C1orf216: variants seen among roughly 807,000 people sequenced by gnomAD.
C1orf216 encodes UPF0500 protein C1orf216.
A neutral mutation model predicts 16.4 loss-of-function variants in C1orf216; 18 were observed. That is an observed-to-expected ratio of 1.10 (90% CI 0.76 to 1.63). The LOEUF (loss-of-function observed/expected upper bound fraction) is 1.63. Ranked by LOEUF, C1orf216 falls within the 40% of genes most tolerant of loss-of-function variation. The pLI is 0.00. For missense variants in C1orf216, 271 were observed against 297.6 expected (o/e 0.91, Z 0.66); for synonymous variants, 115 against 116.9 (o/e 0.98, Z 0.11).
chr1:35,716,487 T>A, intron 1 of C1orf216, 161 bp from the exon 2 acceptor site: 1 of 638,284 alleles, frequency 1.6e-6, no homozygotes, highest in Non-Finnish European at 2.7e-6. Flanking sequence ...GTGGTTTTCG[T>A]CCTCCCTGTC....
Position 35,715,733 on chromosome 1 carries a change from G to A in C1orf216, c.589C>T (p.Arg197Ter), listed in dbSNP as rs1032683766. The part of the protein sequence containing the change: ...LQHQLIDQQA[R>*]LQESFDTILD... Reference sequence around the variant, plus strand: ...ATGGTGTCGAAGCTCTCCTGCAGTCGGGCCTGCTGGTCAATCAACTGATGC... The same window carrying A: ...ATGGTGTCGAAGCTCTCCTGCAGTCAGGCCTGCTGGTCAATCAACTGATGC... Residue 197 changes from arginine (R) to a stop codon, truncating the protein, a stop_gained, in exon 2 of 2, where the codon CGA becomes TGA. Coordinates refer to ENST00000270815, the MANE Select transcript of C1orf216 (RefSeq NM_152374.2). LOFTEE classifies it high-confidence loss of function. This position sits in a 1 kb window ranked among gnomAD's most constrained non-coding sequence, Gnocchi z 4.3. 25 of 1,613,950 alleles carry A rather than the reference G, an allele frequency of 1.5e-5. No individual in the cohort carries two copies. Among genetic ancestry groups the A allele is most frequent in the Non-Finnish European group, 2.0e-5 (24 of 1,180,030 alleles).
intron 1 of C1orf216, among the ~76,000 whole-genome samples, 192 bp downstream of exon 1, chr1:35,718,515 C>T (rs1177804036): frequency 6.6e-6 from 1 of 152,112 alleles, no homozygotes; most frequent in African/African-American, 2.4e-5. Context: ...ATGAGAACCC[C>T]GACACGCCAG....
intron 1 of C1orf216, 58 bp from the exon 2 acceptor site, chr1:35,716,384 C>T: frequency 1.4e-6 from 2 of 1,454,718 alleles, no homozygotes; most frequent in Non-Finnish European, 1.9e-6. Flanking sequence ...TGCCTGAAGT[C>T]AGGGCAACTT....
In C1orf216 at chr1:35,714,571, A is replaced by G. The variant is rs1640920942; in HGVS notation, c.*1061T>C. 6.6e-6 allele frequency: 1 copy of G among 152,190 alleles called. No homozygotes were observed. Among genetic ancestry groups the G allele is most frequent in the East Asian group, 1.9e-4 (1 of 5,206 alleles). The allele number at this position is 152,190 out of a possible 1,614,324, so 9.4% of individuals were successfully genotyped here. ...CTTTTCATCAGAAGCTTAAATGAAC[A>G]CGGTTTGCAACAGCTCCTTTTCCAA... is the stretch of plus-strand genomic sequence containing the variant. On this transcript the variant is annotated 3_prime_UTR_variant, in exon 2 of 2. Transcript: ENST00000270815.
In C1orf216 at chr1:35,716,480, G is replaced by A. The variant is rs1640959439; in HGVS notation, c.-5-154C>T. On this transcript the variant is annotated intron_variant, in intron 1 of 1. Coordinates refer to ENST00000270815, the MANE Select transcript of C1orf216 (RefSeq NM_152374.2). ...GACTCTGGTAACACTTCCCTTCGTG[G>A]TTTTCGTCCTCCCTGTCTACCTGTT... The A allele has an allele frequency of 4.5e-6, 3 of 664,434 alleles. No individual in the cohort carries two copies. In the African/African-American group the frequency reaches 5.4e-5, roughly 12 times the overall value. 41.2% of individuals were successfully genotyped at this position (664,434 alleles called of 1,614,324 possible). A position where few individuals can be genotyped will look rare whatever the true frequency, so the allele number is the denominator to read the frequency against.
rs1031081050 is a variant in C1orf216, at chr1:35,714,354, C to T, written c.*1278G>A. ...GCTTAGGCTGACACTGTCCCCTTCA[C>T]ATCCCAGAAAGCCAACCTCTGGCTC... On this transcript the variant is annotated 3_prime_UTR_variant, in exon 2 of 2. Transcript: ENST00000270815. The T allele has an allele frequency of 2.0e-5, 3 of 152,244 alleles. No homozygotes were observed. The highest frequency in any genetic ancestry group is 1.9e-4 in the East Asian group (1 of 5,192). The allele number at this position is 152,244 out of a possible 1,614,324, so 9.4% of individuals were successfully genotyped here. A position where few individuals can be genotyped will look rare whatever the true frequency, so the allele number is the denominator to read the frequency against.
At chr1:35,716,622 T>C (rs1401103363) in intron 1 of C1orf216, 4 of 408,088 alleles carry the variant, frequency 9.8e-6, no homozygotes, top group Non-Finnish European at 1.8e-5. Flanking sequence ...AAGACCATCA[T>C]ATGCTGGTGA....
Position 35,718,740 on chromosome 1 carries a change from C to G in C1orf216, c.-39G>C, listed in dbSNP as rs1490583198. ...GGCGCCCGCTCCGGCGCGTCTGGCT[C>G]TGGCTCCGCCCGGCCCTGGTGGTGT... On this transcript the variant is annotated 5_prime_UTR_variant, in exon 1 of 2. Coordinates refer to ENST00000270815, the MANE Select transcript of C1orf216 (RefSeq NM_152374.2). 3 of 152,458 alleles carry G rather than the reference C, an allele frequency of 2.0e-5. No individual in the cohort carries two copies. Among genetic ancestry groups the G allele is most frequent in the African/African-American group, 7.2e-5 (3 of 41,478 alleles). The allele number at this position is 152,458 out of a possible 1,614,324, so 9.4% of individuals were successfully genotyped here. A position where few individuals can be genotyped will look rare whatever the true frequency, so the allele number is the denominator to read the frequency against.
At chr1:35,717,585 A>G (rs1223773309) in intron 1 of C1orf216, among the ~76,000 whole-genome samples, 1 of 152,182 alleles carries the variant, frequency 6.6e-6, no homozygotes, top group African/African-American at 2.4e-5. Flanking sequence ...AATATTACAT[A>G]AACAAGCACG....
At position 35,718,844 on chromosome 1, in the gene C1orf216, C is replaced by T. The variant is rs1197281056; in HGVS notation, c.-143G>A. 1 of 152,316 alleles carries T rather than the reference C, an allele frequency of 6.6e-6. No homozygotes were observed. Among genetic ancestry groups the T allele is most frequent in the African/African-American group, 2.4e-5 (1 of 41,462 alleles). The allele number at this position is 152,316 out of a possible 1,614,324, so 9.4% of individuals were successfully genotyped here. A position where few individuals can be genotyped will look rare whatever the true frequency, so the allele number is the denominator to read the frequency against. On this transcript the variant is annotated 5_prime_UTR_variant, in exon 1 of 2. Coordinates refer to ENST00000270815, the MANE Select transcript of C1orf216 (RefSeq NM_152374.2). ...GGGTGCGGGGCTCCCGGGCAGCGCG[C>T]CCAGCCCCAGTCCCGGACTGCGGAG...
chr1:35,716,014 G>A lies in C1orf216; in HGVS notation c.308C>T (p.Thr103Ile). The change falls in exon 2 of 2, where the codon ACA (threonine) becomes ATA (isoleucine). Residue 103 changes from threonine to isoleucine, a missense_variant. Around this residue, in one of 3 missense-constraint regions of C1orf216, gnomAD observed 220 missense variants for 227.8 expected, o/e 0.97. Coordinates refer to ENST00000270815, the MANE Select transcript of C1orf216 (RefSeq NM_152374.2). ...AEPEKMGGAG[T>I]VCSPLEDNGY... The stretch of plus-strand genomic sequence containing the variant: ...GTTGTCCTCCAGAGGGGAGCAGACT[G>A]TGCCAGCACCACCCATCTTCTCAGG... 6.2e-7 allele frequency: 1 copy of A among 1,614,108 alleles called. No homozygotes were observed. The highest frequency in any genetic ancestry group is 1.3e-5 in the African/African-American group (1 of 75,064).
chr1:35,716,556 G>C (rs563816799), intron 1 of C1orf216: 2 of 556,144 alleles, frequency 3.6e-6, no homozygotes, highest in Non-Finnish European at 6.4e-6. Flanking sequence ...GAGCCAGGCT[G>C]TCTTCTGATT....
Position 35,716,315 on chromosome 1 carries a change from C to G in C1orf216, c.7G>C (p.Ala3Pro), listed in dbSNP as rs775845100. The G allele has an allele frequency of 6.2e-7, 1 of 1,610,594 alleles. No individual in the cohort carries two copies. The highest frequency in any genetic ancestry group is 1.3e-5 in the African/African-American group (1 of 74,918). Residue 3 changes from alanine (A) to proline (P), a missense_variant, in exon 2 of 2, where the codon GCC becomes CCC. By Grantham distance (27) the Ala-to-Pro change is conservative. Around this residue, in one of 3 missense-constraint regions of C1orf216, gnomAD observed 44 missense variants for 46.0 expected, o/e 0.96. Coordinates refer to ENST00000270815, the MANE Select transcript of C1orf216 (RefSeq NM_152374.2). Reference sequence around the variant, plus strand: ...CCCTCAGCTAGCCCTGGCTGGATGGCGAACATCTAGCCTGTAAAGGGAAAG... The same window carrying G: ...CCCTCAGCTAGCCCTGGCTGGATGGGGAACATCTAGCCTGTAAAGGGAAAG... MF[A>P]IQPGLAEGGQ... is the part of the protein sequence containing the mutation.
chr1:35,715,319 G>A lies in C1orf216; in HGVS notation c.*313C>T, dbSNP rs1640933111. On this transcript the variant is annotated 3_prime_UTR_variant, in exon 2 of 2. Coordinates refer to ENST00000270815, the MANE Select transcript of C1orf216 (RefSeq NM_152374.2). This position sits in a 1 kb window ranked among gnomAD's most constrained non-coding sequence, Gnocchi z 4.3. ...CTCATGCGCATATACACACACTGCT[G>A]GGTACCTGTCTACACATGCACATAC... 5 of 404,480 alleles carry A rather than the reference G, an allele frequency of 1.2e-5. No individual in the cohort carries two copies. Among genetic ancestry groups the A allele is most frequent in the Middle Eastern group, 7.1e-4 (1 of 1,406 alleles). The allele number at this position is 404,480 out of a possible 1,614,324, so 25.1% of individuals were successfully genotyped here.
In C1orf216 at chr1:35,713,946, A is replaced by C. The variant is rs1397397669; in HGVS notation, c.*1686T>G. On this transcript the variant is annotated 3_prime_UTR_variant, in exon 2 of 2. Transcript: ENST00000270815. ...CGGGTTTATACACTCAATATGCAAG[A>C]GCTACAGACAAAAAGTCTTCAGGGC... The C allele has an allele frequency of 6.6e-6, 1 of 152,116 alleles. No individual in the cohort carries two copies. The highest frequency in any genetic ancestry group is 1.5e-5 in the Non-Finnish European group (1 of 68,020). The allele number at this position is 152,116 out of a possible 1,614,324, so 9.4% of individuals were successfully genotyped here. A position where few individuals can be genotyped will look rare whatever the true frequency, so the allele number is the denominator to read the frequency against.
Position 35,715,874 on chromosome 1 carries a change from C to T in C1orf216, c.448G>A (p.Ala150Thr), listed in dbSNP as rs780065076. ...PDPLLPSVAQ[A>T]VQHLQVQERY... ...TCCTGGACTTGTAAGTGCTGCACAGCCTGGGCCACTGAGGGCAGAAGGGGA... is the reference window on the plus strand; with the variant it reads ...TCCTGGACTTGTAAGTGCTGCACAGTCTGGGCCACTGAGGGCAGAAGGGGA... Residue 150 changes from alanine (A) to threonine (T), a missense_variant, in exon 2 of 2, where the codon GCT becomes ACT. By Grantham distance (58) the Ala-to-Thr change is moderately conservative. Coordinates refer to ENST00000270815, the MANE Select transcript of C1orf216 (RefSeq NM_152374.2). This position sits in a 1 kb window ranked among gnomAD's most constrained non-coding sequence, Gnocchi z 4.3. 3.7e-6 allele frequency: 6 copies of T among 1,614,144 alleles called. No homozygotes were observed. The African/African-American group carries it at 4.0e-5, about 11-fold the overall frequency.
intron 1 of C1orf216, 51 bp from the exon 2 acceptor site, chr1:35,716,377 C>G (rs1640958131): frequency 6.7e-7 from 1 of 1,499,358 alleles, no homozygotes; most frequent in African/African-American, 1.4e-5. Context: ...GGTGGGGTGC[C>G]TGAAGTCAGG....
intron 1 of C1orf216, among the ~76,000 whole-genome samples, chr1:35,718,487 G>A (rs1274737346): frequency 2.0e-5 from 3 of 152,088 alleles, no homozygotes; most frequent in Admixed American, 6.5e-5. Flanking sequence ...GGATCACAGG[G>A]TTCTCAGAGA....
chr1:35,717,057 A>G (rs1224178960), intron 1 of C1orf216: 1 of 152,288 alleles, frequency 6.6e-6, no homozygotes, highest in Non-Finnish European at 1.5e-5. Flanking sequence ...CAGTATCCTC[A>G]GCAAGATGGC....
Sources: gnomAD v4.1 joint callset for allele counts (sites outside exome capture counted in the v4.1 genomes callset) on GRCh38, gnomAD v4.1.1 for gene constraint, gnomAD v4.1.1 regional missense constraint, Gnocchi (gnomAD v3.1) non-coding constraint, MANE v1.5 for transcripts, NCBI Gene and HGNC (gene_info 2026-07-23, HGNC 2026-07-21) for gene names.